The following STAC variants were observed in gnomAD, a reference collection of about 807,000 sequenced individuals.
STAC encodes SH3 and cysteine-rich domain-containing protein.
STAC carries 43 observed loss-of-function variants against 48.8 expected under a neutral mutation model. The observed-to-expected ratio is 0.88, with a 90% confidence interval of 0.69 to 1.14. STAC has a LOEUF of 1.14. STAC is among the 50% of genes most tolerant of loss of function. STAC has a pLI of 0.00. For synonymous variants in STAC, 193 were observed against 179.5 expected (o/e 1.07, Z -0.60); for missense variants, 497 against 504.0 (o/e 0.99, Z 0.13).
At chr3:36,448,841 G>A (rs1478963946) in intron 2 of STAC, among the ~76,000 whole-genome samples, 5 of 151,762 alleles carry the variant, frequency 3.3e-5, no homozygotes, top group Admixed American at 1.3e-4. Flanking sequence ...TACTGGGAAG[G>A]GTAAGGTAAG....
At chr3:36,477,183 C>T (rs1283213670) in intron 2 of STAC, among the ~76,000 whole-genome samples, 4 of 151,940 alleles carry the variant, frequency 2.6e-5, no homozygotes. Flanking sequence ...TAATTTTATA[C>T]TTGTGTAATC....
chr3:36,467,879 T>C (rs79579432), intron 2 of STAC, among the ~76,000 whole-genome samples: 4,787 of 152,084 alleles, frequency 0.031, 226 homozygotes, highest in African/African-American at 0.11. Context: ...TTCTTTTCTT[T>C]TGCTGTGTTT....
intron 1 of STAC, among the ~76,000 whole-genome samples, chr3:36,404,590 C>G (rs1300549984): frequency 6.6e-6 from 1 of 152,104 alleles, no homozygotes; most frequent in African/African-American, 2.4e-5. Context: ...AAATTTCTAT[C>G]AGTATCATAA....
intron 10 of STAC, among the ~76,000 whole-genome samples, chr3:36,540,649 A>T (rs916147739): frequency 1.3e-5 from 2 of 152,174 alleles, no homozygotes; most frequent in Non-Finnish European, 2.9e-5. Flanking sequence ...TAGAAGCTGG[A>T]AACAGGCATC....
intron 2 of STAC, among the ~76,000 whole-genome samples, chr3:36,449,333 AC>A (rs1696617558): frequency 6.6e-6 from 1 of 152,230 alleles, no homozygotes; most frequent in Non-Finnish European, 1.5e-5. Context: ...TTCTCTATCA[AC>A]AGCTACTTTT....
chr3:36,507,825 C>T (rs935830609), intron 8 of STAC, among the ~76,000 whole-genome samples: 3 of 152,010 alleles, frequency 2.0e-5, no homozygotes, highest in South Asian at 2.1e-4. Context: ...TTTGTTAAGT[C>T]TGGCTAGCAG....
rs116100223 is a variant in STAC, at chr3:36,475,121, G to A, written c.389-7871G>A. ...CTTTCAAATTACCCTTTGTCTATAT[G>A]AGAAGGGGAAAAATCATGCTCAGTG... On this transcript the variant is annotated intron_variant, in intron 2 of 10. Coordinates refer to ENST00000273183, the MANE Select transcript of STAC (RefSeq NM_003149.3). 4.3e-3 allele frequency among the ~76,000 whole-genome samples: 660 copies of A among 152,032 alleles called. 4 individuals carry two copies. The highest frequency in any genetic ancestry group is 0.015 in the African/African-American group (624 of 41,452).
intron 2 of STAC, among the ~76,000 whole-genome samples, chr3:36,448,536 A>C (rs1322208770): frequency 1.3e-5 from 2 of 152,134 alleles, no homozygotes; most frequent in Non-Finnish European, 2.9e-5. Flanking sequence ...ACGGAATTTT[A>C]AGTGAAAATA....
intron 2 of STAC, among the ~76,000 whole-genome samples, chr3:36,472,300 A>T (rs1430761633): frequency 6.6e-6 from 1 of 152,202 alleles, no homozygotes; most frequent in Non-Finnish European, 1.5e-5. Context: ...CGGCCCACGA[A>T]ACCACTTCTT....
chr3:36,443,753 A>G lies in STAC; in HGVS notation c.388+113A>G, dbSNP rs775095466. ...CAGATGCTAGGCCTCAGAGATTTAC[A>G]TGTGGGAAGATCATTCAGGAGTGCT... On this transcript the variant is annotated intron_variant, in intron 2 of 10. Transcript: ENST00000273183. The surrounding 1 kb of genome is among the most constrained non-coding windows in gnomAD (Gnocchi z 4.2). 107 of 1,346,124 alleles carry G rather than the reference A, an allele frequency of 7.9e-5. No individual in the cohort carries two copies. The highest frequency in any genetic ancestry group is 9.9e-5 in the Non-Finnish European group (97 of 981,860). The allele number at this position is 1,346,124 out of a possible 1,614,324, so 83.4% of individuals were successfully genotyped here.
chr3:36,408,359 T>C lies in STAC; in HGVS notation c.111+27605T>C, dbSNP rs540005199. On this transcript the variant is annotated intron_variant, in intron 1 of 10. Coordinates refer to ENST00000273183, the MANE Select transcript of STAC (RefSeq NM_003149.3). ...CCTACTCCTACCACTAGCCCAGTTA[T>C]TGTCATTCTCCACCAGGGGTCTCTG... 2.0e-5 allele frequency among the ~76,000 whole-genome samples: 3 copies of C among 152,330 alleles called. No homozygotes were observed. In the East Asian group the frequency reaches 5.8e-4, roughly 29 times the overall value.
chr3:36,500,155 C>T (rs1471994759), intron 6 of STAC, among the ~76,000 whole-genome samples: 1 of 152,118 alleles, frequency 6.6e-6, no homozygotes, highest in Non-Finnish European at 1.5e-5. Flanking sequence ...ACACATTTGA[C>T]AATCCTAATC....
chr3:36,470,601 A>T (rs939688837), intron 2 of STAC, among the ~76,000 whole-genome samples: 5 of 152,220 alleles, frequency 3.3e-5, no homozygotes, highest in Non-Finnish European at 5.9e-5. Flanking sequence ...TTCATGTGTC[A>T]GGGAGTCTGT....
chr3:36,471,414 T>C (rs952406532), intron 2 of STAC, among the ~76,000 whole-genome samples: 3 of 152,146 alleles, frequency 2.0e-5, no homozygotes, highest in African/African-American at 4.8e-5. Context: ...CCAAATCTCA[T>C]GTCCTCACAT....
chr3:36,473,663 T>C (rs938514880), intron 2 of STAC, among the ~76,000 whole-genome samples: 4 of 152,176 alleles, frequency 2.6e-5, no homozygotes, highest in Non-Finnish European at 5.9e-5. Context: ...GGTGTCTTTA[T>C]AAACTATATA....
intron 3 of STAC, among the ~76,000 whole-genome samples, chr3:36,483,521 C>T (rs762327731): frequency 8.5e-5 from 13 of 152,136 alleles, no homozygotes; most frequent in Admixed American, 4.6e-4. Flanking sequence ...TAAGCCCCCA[C>T]AAAAGAGGAG....
chr3:36,484,872 G>A, intron 3 of STAC, 105 bp from the exon 4 acceptor site: 1 of 754,306 alleles, frequency 1.3e-6, no homozygotes, highest in Admixed American at 3.5e-5. Flanking sequence ...TGGGAGACAG[G>A]AGGGTGCTCC....
chr3:36,467,368 T>C (rs906903159), intron 2 of STAC, among the ~76,000 whole-genome samples: 1 of 152,134 alleles, frequency 6.6e-6, no homozygotes, highest in African/African-American at 2.4e-5. Flanking sequence ...TAGAATGATT[T>C]AGGGAGAATT....
In STAC at chr3:36,380,535, G is replaced by C; in HGVS notation, c.-109G>C. 1.2e-6 allele frequency: 1 copy of C among 818,532 alleles called. No individual in the cohort carries two copies. The highest frequency in any genetic ancestry group is 2.0e-6 in the Non-Finnish European group (1 of 507,640). The allele number at this position is 818,532 out of a possible 1,614,324, so 50.7% of individuals were successfully genotyped here. ...CACGTCGGCGCCTCGGCGAGGATGG[G>C]AGTCCCCAGGACCCGGAGCTGAGCA... On this transcript the variant is annotated 5_prime_UTR_variant, in exon 1 of 11. Coordinates refer to ENST00000273183, the MANE Select transcript of STAC (RefSeq NM_003149.3).
Sources: allele counts gnomAD v4.1 joint callset (sites outside exome capture counted in the v4.1 genomes callset), GRCh38; gene constraint gnomAD v4.1.1; non-coding constraint Gnocchi (gnomAD v3.1); transcripts MANE v1.5; gene names NCBI Gene and HGNC (gene_info 2026-07-23, HGNC 2026-07-21).